PABPC4L: variants seen among roughly 807,000 people sequenced by gnomAD.
PABPC4L encodes the protein poly(A) binding protein cytoplasmic 4 like.
For synonymous variants in PABPC4L, 169 were observed against 164.1 expected, an observed-to-expected ratio of 1.03 and a Z score of -0.23; for missense variants, 452 against 451.4, an observed-to-expected ratio of 1.00 and a Z score of -0.01.
chr4:134,119,541 C>G, the PABPC4L span, among the ~76,000 whole-genome samples: 402 of 151,562 alleles, frequency 2.7e-3, 4 homozygotes, highest in Middle Eastern at 0.017. Context: ...AAGTTATTAA[C>G]CACAATATTA....
Position 134,200,957 on chromosome 4 carries a change from G to A in PABPC4L, c.63C>T (p.Val21=), listed in dbSNP as rs767467377. Residue 21 remains valine, a synonymous_variant, in exon 2 of 2, where the codon GTC becomes GTT. Transcript: ENST00000421491. ...ACTTCCTGAACAGCAGGTCCTCGGT[G>A]ACATCTGCATGTAAGTCACCCACAT... ...SLYVGDLHAD[V]TEDLLFRKFS... 1.9e-6 allele frequency: 3 copies of A among 1,555,372 alleles called. No individual in the cohort carries two copies. Among genetic ancestry groups the A allele is most frequent in the Non-Finnish European group, 2.6e-6 (3 of 1,149,234 alleles).
At chr4:134,164,603 G>T in the PABPC4L span, among the ~76,000 whole-genome samples, 2 of 152,082 alleles carry the variant, frequency 1.3e-5, no homozygotes, top group African/African-American at 4.8e-5. Context: ...AAATACAAAA[G>T]TGTGGTAACA....
chr4:134,166,715 A>T, the PABPC4L span, among the ~76,000 whole-genome samples: 1 of 152,312 alleles, frequency 6.6e-6, no homozygotes, highest in East Asian at 1.9e-4. Flanking sequence ...AAGCCAGTAT[A>T]TCTGCTTTGA....
chr4:134,190,786 C>T, the PABPC4L span, among the ~76,000 whole-genome samples: 1 of 151,934 alleles, frequency 6.6e-6, no homozygotes, highest in South Asian at 2.1e-4. Context: ...CCAGTAGCTG[C>T]AGTTACAGGT....
At chr4:134,005,181 A>G in the PABPC4L span, among the ~76,000 whole-genome samples, 1 of 151,908 alleles carries the variant, frequency 6.6e-6, no homozygotes, top group Non-Finnish European at 1.5e-5. Context: ...CACAATGTAT[A>G]CATGTATCAA....
At chr4:133,986,468 T>C in the PABPC4L span, among the ~76,000 whole-genome samples, 2 of 151,742 alleles carry the variant, frequency 1.3e-5, no homozygotes, top group African/African-American at 4.9e-5. Context: ...TTTTTCCCTA[T>C]TCAGGACAAA....
the PABPC4L span, among the ~76,000 whole-genome samples, chr4:134,120,170 T>C: frequency 3.3e-5 from 5 of 151,276 alleles, no homozygotes; most frequent in African/African-American, 1.2e-4. Context: ...TAGAAACTAG[T>C]ATAGTAATTT....
chr4:133,957,636 C>T, the PABPC4L span, among the ~76,000 whole-genome samples: 34 of 152,296 alleles, frequency 2.2e-4, no homozygotes, highest in African/African-American at 7.5e-4. Flanking sequence ...TCTGCACTGC[C>T]CCAGCAGAGG....
the PABPC4L span, among the ~76,000 whole-genome samples, chr4:134,017,368 C>T: frequency 6.6e-6 from 1 of 152,118 alleles, no homozygotes; most frequent in Non-Finnish European, 1.5e-5. Context: ...AGTCTCATTC[C>T]AGACACCAGA....
the PABPC4L span, among the ~76,000 whole-genome samples, chr4:134,071,676 A>C: frequency 6.6e-6 from 1 of 152,182 alleles, no homozygotes; most frequent in Non-Finnish European, 1.5e-5. Flanking sequence ...TCTGTAAATT[A>C]AGAAACACAG....
chr4:134,076,656 C>T, the PABPC4L span, among the ~76,000 whole-genome samples: 1 of 152,016 alleles, frequency 6.6e-6, no homozygotes, highest in Non-Finnish European at 1.5e-5. Flanking sequence ...ACCAAAGGCT[C>T]AGCTTTGGAG....
chr4:133,991,557 T>C, the PABPC4L span, among the ~76,000 whole-genome samples: 1 of 152,224 alleles, frequency 6.6e-6, no homozygotes, highest in African/African-American at 2.4e-5. Context: ...GACACATTTC[T>C]GGCCAAGCTA....
the PABPC4L span, among the ~76,000 whole-genome samples, chr4:133,959,372 C>T: frequency 2.0e-5 from 3 of 152,102 alleles, no homozygotes; most frequent in South Asian, 4.2e-4. Context: ...ATGAGAAGGC[C>T]CCTCTGCAGA....
chr4:134,180,197 T>C, the PABPC4L span, among the ~76,000 whole-genome samples: 1 of 152,096 alleles, frequency 6.6e-6, no homozygotes, highest in Non-Finnish European at 1.5e-5. Context: ...AACCAGGATC[T>C]CATACCACAG....
chr4:134,152,499 G>C, the PABPC4L span, among the ~76,000 whole-genome samples: 1 of 152,114 alleles, frequency 6.6e-6, no homozygotes, highest in Non-Finnish European at 1.5e-5. Flanking sequence ...TCTGTGGCAG[G>C]CTTCTGCCTG....
At chr4:134,049,875 T>A in the PABPC4L span, among the ~76,000 whole-genome samples, 1 of 152,290 alleles carries the variant, frequency 6.6e-6, no homozygotes, top group Non-Finnish European at 1.5e-5. Context: ...CTTATGACAG[T>A]TTAACAAATC....
chr4:133,995,033 G>A, the PABPC4L span, among the ~76,000 whole-genome samples: 1 of 152,118 alleles, frequency 6.6e-6, no homozygotes, highest in Non-Finnish European at 1.5e-5. Context: ...GCCGCTCTGA[G>A]AGAGAGGACT....
chr4:134,086,744 A>T, the PABPC4L span, among the ~76,000 whole-genome samples: 1 of 140,222 alleles, frequency 7.1e-6, no homozygotes. Context: ...TTTCTGGATG[A>T]TAGGGTATTC....
chr4:133,970,477 A>G, the PABPC4L span, among the ~76,000 whole-genome samples: 1 of 152,190 alleles, frequency 6.6e-6, no homozygotes, highest in Non-Finnish European at 1.5e-5. Flanking sequence ...TCAAACTGCC[A>G]TGTTGAAAAT....
Sources: gnomAD v4.1 joint callset for allele counts (sites outside exome capture counted in the v4.1 genomes callset) on GRCh38, gnomAD v4.1.1 for gene constraint, MANE v1.5 for transcripts, NCBI Gene and HGNC (gene_info 2026-07-23, HGNC 2026-07-21) for gene names.